Variants in CDK17 observed in about 807,000 individuals in gnomAD.
CDK17 encodes cyclin dependent kinase 17.
In CDK17, 24 loss-of-function variants were observed where a neutral mutation model predicts 77.6. The observed-to-expected ratio is 0.31, with a 90% CI of 0.22 to 0.44. The LOEUF is 0.44. Among genes scored for constraint, CDK17 ranks in the 20% least tolerant of loss-of-function variants. CDK17 has a pLI of 1.00. For missense variants in CDK17, 429 were observed against 622.5 expected (o/e 0.69, Z 3.31); for synonymous variants, 203 against 210.4 (o/e 0.96, Z 0.30).
In CDK17 at chr12:96,379,749, T is replaced by C. The variant is rs141345048; in HGVS notation, c.-30+20237A>G. Among the ~76,000 whole-genome samples the C allele has an allele frequency of 4.8e-3, 737 of 152,316 alleles. 4 individuals carry two copies. Among genetic ancestry groups the C allele is most frequent in the Non-Finnish European group, 8.4e-3 (573 of 68,022 alleles). ...TCCAGAAGTAAATCTACTATTTATA[T>C]CTCTTATTTCCCCAAACAAAATGGT... is the stretch of plus-strand genomic sequence containing the variant. On this transcript the variant is annotated intron_variant, in intron 1 of 16. Transcript: ENST00000261211.
chr12:96,364,539 C>T (rs1445123680), intron 1 of CDK17, among the ~76,000 whole-genome samples: 1 of 152,162 alleles, frequency 6.6e-6, no homozygotes, highest in Non-Finnish European at 1.5e-5. Context: ...TCATTGAGGA[C>T]TCCAATCATA....
chr12:96,282,187 C>T (rs189486675), intron 15 of CDK17: 42 of 211,652 alleles, frequency 2.0e-4, no homozygotes, highest in African/African-American at 7.5e-4. Flanking sequence ...CTTTTAACAA[C>T]GCTAAATCGA....
At chr12:96,301,752 C>T (rs1234860974) in intron 5 of CDK17, among the ~76,000 whole-genome samples, 1 of 152,064 alleles carries the variant, frequency 6.6e-6, no homozygotes, top group Non-Finnish European at 1.5e-5. Flanking sequence ...GGTCTAAATA[C>T]GCAATTTTCC....
chr12:96,307,224 G>C (rs941240932), intron 5 of CDK17, among the ~76,000 whole-genome samples: 29 of 152,112 alleles, frequency 1.9e-4, no homozygotes, highest in African/African-American at 7.0e-4. Context: ...GAACCCGGGA[G>C]GCGAAGGTTG....
At chr12:96,325,629 C>A (rs1332666455) in intron 2 of CDK17, among the ~76,000 whole-genome samples, 1 of 152,208 alleles carries the variant, frequency 6.6e-6, no homozygotes, top group Non-Finnish European at 1.5e-5. Flanking sequence ...GCTATCTAAT[C>A]TGGGTCAAAG....
At chr12:96,358,206 G>A (rs1169981059) in intron 1 of CDK17, among the ~76,000 whole-genome samples, 3 of 151,486 alleles carry the variant, frequency 2.0e-5, no homozygotes, top group Non-Finnish European at 4.4e-5. Flanking sequence ...TTAGGGAGAG[G>A]CAAGGAGAAA....
intron 10 of CDK17, among the ~76,000 whole-genome samples, chr12:96,294,016 A>G (rs913773603): frequency 6.6e-6 from 1 of 152,156 alleles, no homozygotes; most frequent in Non-Finnish European, 1.5e-5. Flanking sequence ...CTGAATAACC[A>G]CAGTTTGTCT....
At chr12:96,326,315 G>A (rs560093291) in intron 2 of CDK17, among the ~76,000 whole-genome samples, 2 of 152,058 alleles carry the variant, frequency 1.3e-5, no homozygotes, top group Non-Finnish European at 2.9e-5. Flanking sequence ...AACCTAACAG[G>A]GAAAAGACAC....
At chr12:96,342,866 G>A (rs924751530) in intron 1 of CDK17, among the ~76,000 whole-genome samples, 4 of 152,148 alleles carry the variant, frequency 2.6e-5, no homozygotes, top group South Asian at 4.2e-4. Context: ...GGAGGCTGCC[G>A]CAGGAGAATC....
At chr12:96,327,300 T>C (rs958766074) in intron 2 of CDK17, among the ~76,000 whole-genome samples, 16 of 152,304 alleles carry the variant, frequency 1.1e-4, no homozygotes, top group African/African-American at 3.8e-4. Flanking sequence ...TCTTGGTTGC[T>C]GTTTGAAAAA....
rs1027893597 is a variant in CDK17 at position 96,278,423 on chromosome 12, A to C, written c.*1819T>G. 6.6e-6 allele frequency: 1 copy of C among 152,246 alleles called. No homozygotes were observed. The highest frequency in any genetic ancestry group is 2.4e-5 in the African/African-American group (1 of 41,462). 9.4% of individuals were successfully genotyped at this position (152,246 alleles called of 1,614,324 possible). A position where few individuals can be genotyped will look rare whatever the true frequency, so the allele number is the denominator to read the frequency against. On this transcript the variant is annotated 3_prime_UTR_variant, in exon 17 of 17. Transcript: ENST00000261211. ...AGAAATTACTAAGCAAATGATTGGC[A>C]CAAACAGAAAACAATAACACCTCTA...
rs544539159 is a variant in CDK17 at position 96,314,433 on chromosome 12, T to C, written c.284-979A>G. Among the ~76,000 whole-genome samples, 4 of 152,336 alleles carry C rather than the reference T, an allele frequency of 2.6e-5. No homozygotes were observed. In the East Asian group the frequency reaches 5.8e-4, roughly 22 times the overall value. ...GTTGTTCAGGCTCATCTTGAACTTG[T>C]AGCCATTTATGCCTAGTGTTCCATT... On this transcript the variant is annotated intron_variant, in intron 3 of 16. Transcript: ENST00000261211.
intron 1 of CDK17, among the ~76,000 whole-genome samples, chr12:96,347,585 GGGGAGGGGAAGGGAGGGGAA>G (rs1296328379): frequency 1.9e-4 from 9 of 47,526 alleles, no homozygotes; most frequent in Admixed American, 8.3e-4. Flanking sequence ...AGGGAGGGGA[GGGGAGGGGAAGGGAGGGGAA>G]GGGAGGGGAA....
chr12:96,317,592 T>C (rs1188845443), intron 3 of CDK17, among the ~76,000 whole-genome samples: 2 of 125,636 alleles, frequency 1.6e-5, no homozygotes, highest in African/African-American at 5.8e-5. Context: ...AGACTAACAG[T>C]GGATCTCTCG....
intron 1 of CDK17, among the ~76,000 whole-genome samples, chr12:96,348,868 A>T (rs1953268917): frequency 1.3e-5 from 2 of 152,176 alleles, no homozygotes; most frequent in Admixed American, 1.3e-4. Flanking sequence ...TTACTGGTAA[A>T]GTCTACCAAA....
intron 1 of CDK17, among the ~76,000 whole-genome samples, chr12:96,396,343 C>T (rs1487775800): frequency 1.3e-5 from 2 of 152,212 alleles, no homozygotes; most frequent in African/African-American, 2.4e-5. Flanking sequence ...AAAGAATCCA[C>T]TGATGACAAT....
chr12:96,285,976 G>T, intron 13 of CDK17, 67 bp downstream of exon 13: 1 of 776,508 alleles, frequency 1.3e-6, no homozygotes, highest in Non-Finnish European at 2.2e-6. Context: ...CCTTACTGTG[G>T]CTAATCCTTC....
chr12:96,357,353 T>C (rs577577342), intron 1 of CDK17, among the ~76,000 whole-genome samples: 1 of 152,228 alleles, frequency 6.6e-6, no homozygotes, highest in Admixed American at 6.5e-5. Context: ...TCCTAGCTAC[T>C]TAGGAAGCTG....
In CDK17 at chr12:96,293,500, G is replaced by A. The variant is rs115129373; in HGVS notation, c.997+1499C>T. Among the ~76,000 whole-genome samples the A allele has an allele frequency of 1.9e-3, 287 of 152,326 alleles. 1 individual carries two copies. The highest frequency in any genetic ancestry group is 6.5e-3 in the African/African-American group (272 of 41,576). ...AGGAAATCAAATCTCACACAGATAT[G>A]AGGTTGAAAGAGGAGGGGCATTTTA... On this transcript the variant is annotated intron_variant, in intron 10 of 16. Coordinates refer to ENST00000261211, the MANE Select transcript of CDK17 (RefSeq NM_002595.5).
Sources: allele counts gnomAD v4.1 joint callset (sites outside exome capture counted in the v4.1 genomes callset), GRCh38; gene constraint gnomAD v4.1.1; transcripts MANE v1.5; gene names NCBI Gene and HGNC (gene_info 2026-07-23, HGNC 2026-07-21).